SMYD3: variants seen among roughly 807,000 people sequenced by gnomAD.
The protein encoded by SMYD3 is histone-lysine N-methyltransferase SMYD3.
In SMYD3, 36 loss-of-function variants were observed where a neutral mutation model predicts 57.7. The ratio of observed to expected loss-of-function variants is 0.62; its 90% CI spans 0.48 to 0.82. SMYD3 has a LOEUF of 0.82. Among genes scored for constraint, SMYD3 ranks in the 40% least tolerant of loss-of-function variants. The pLI is 0.00. For missense variants in SMYD3, 515 were observed against 538.8 expected (o/e 0.96, Z 0.44); for synonymous variants, 211 against 195.0 (o/e 1.08, Z -0.68).
chr1:246,499,653 G>A (rs552642609), intron 1 of SMYD3, among the ~76,000 whole-genome samples: 20 of 151,976 alleles, frequency 1.3e-4, no homozygotes, highest in African/African-American at 2.7e-4. Context: ...ACGGGGTTTC[G>A]CTACGTTGGC....
Position 246,483,943 on chromosome 1 carries a change from T to C in SMYD3, c.164+23111A>G, listed in dbSNP as rs73134187. On this transcript the variant is annotated intron_variant, in intron 1 of 11. Coordinates refer to ENST00000490107, the MANE Select transcript of SMYD3 (RefSeq NM_001167740.2). ...TCCTTAGATGTGAAACCTAAAAACA[T>C]ATCACTTCAACCAAAATACCTAAAC... 2.5e-3 allele frequency among the ~76,000 whole-genome samples: 380 copies of C among 151,758 alleles called. 4 individuals are homozygous for C. Among genetic ancestry groups the C allele is most frequent in the Non-Finnish European group, 3.6e-3 (243 of 67,868 alleles).
At chr1:245,912,777 T>C (rs192983447) in intron 8 of SMYD3, among the ~76,000 whole-genome samples, 2 of 152,230 alleles carry the variant, frequency 1.3e-5, no homozygotes, top group Admixed American at 1.3e-4. Context: ...CTTCAATTAT[T>C]TGTCATCAGA....
chr1:245,928,521 A>AC (rs1314790404), intron 6 of SMYD3, among the ~76,000 whole-genome samples: 4 of 150,006 alleles, frequency 2.7e-5, no homozygotes, highest in Admixed American at 2.7e-4. Flanking sequence ...AAAATACAAA[A>AC]AAATTAGCTG....
intron 5 of SMYD3, among the ~76,000 whole-genome samples, chr1:246,031,316 T>C (rs902107160): frequency 2.0e-5 from 3 of 152,180 alleles, no homozygotes; most frequent in Non-Finnish European, 4.4e-5. Context: ...ACTTCTGGAA[T>C]CTTATTTAGG....
In SMYD3 at chr1:246,310,049, T is replaced by G. The variant is rs932084666; in HGVS notation, c.531+17152A>C. Among the ~76,000 whole-genome samples the G allele has an allele frequency of 5.3e-5, 8 of 152,336 alleles. No homozygotes were observed. In the South Asian group the frequency reaches 1.5e-3, roughly 28 times the overall value. ...CTAAATTTTCCTAGTTAATATAACCTGGTATATTATTTATAAACATTATAA... is the reference window on the plus strand; with the variant it reads ...CTAAATTTTCCTAGTTAATATAACCGGGTATATTATTTATAAACATTATAA... On this transcript the variant is annotated intron_variant, in intron 5 of 11. Transcript: ENST00000490107.
chr1:246,305,846 T>C (rs978715468), intron 5 of SMYD3: 3 of 152,226 alleles, frequency 2.0e-5, no homozygotes, highest in African/African-American at 7.2e-5. Context: ...AGCCCAACTC[T>C]CCTCTTTAAT....
At chr1:246,450,705 CT>C (rs1488330135) in intron 1 of SMYD3, among the ~76,000 whole-genome samples, 1 of 152,156 alleles carries the variant, frequency 6.6e-6, no homozygotes, top group Non-Finnish European at 1.5e-5. Flanking sequence ...TAGCATGTAA[CT>C]GAATCTCAGT....
chr1:246,080,508 G>A (rs972782670), intron 5 of SMYD3, among the ~76,000 whole-genome samples: 2 of 152,186 alleles, frequency 1.3e-5, no homozygotes, highest in African/African-American at 2.4e-5. Context: ...TGTCTTCCAC[G>A]AAACTGGTTC....
At chr1:245,856,329 A>G (rs183087418) in intron 10 of SMYD3, among the ~76,000 whole-genome samples, 21 of 152,346 alleles carry the variant, frequency 1.4e-4, no homozygotes, top group Admixed American at 1.2e-3. Context: ...AAGTGGATCA[A>G]TGCAGATTGG....
chr1:246,292,954 A>G (rs2064724006), intron 5 of SMYD3, among the ~76,000 whole-genome samples: 1 of 152,120 alleles, frequency 6.6e-6, no homozygotes, highest in South Asian at 2.1e-4. Flanking sequence ...GGTTGGGAAA[A>G]ATTGCTGATG....
At chr1:245,952,146 G>A (rs1208120902) in intron 5 of SMYD3, among the ~76,000 whole-genome samples, 1 of 152,174 alleles carries the variant, frequency 6.6e-6, no homozygotes, top group Non-Finnish European at 1.5e-5. Flanking sequence ...AAATAAAGAT[G>A]AGTATCTATC....
intron 10 of SMYD3, among the ~76,000 whole-genome samples, chr1:245,791,457 T>G (rs936438817): frequency 4.6e-5 from 7 of 151,948 alleles, no homozygotes; most frequent in African/African-American, 1.7e-4. Context: ...ATGGTGACAC[T>G]GTGTCTCTGC....
intron 10 of SMYD3, among the ~76,000 whole-genome samples, chr1:245,824,439 G>A (rs1300081514): frequency 6.6e-5 from 10 of 152,192 alleles, no homozygotes; most frequent in African/African-American, 1.7e-4. Flanking sequence ...AACTCAGGCC[G>A]GGCGCAGTGG....
At chr1:246,487,225 T>G (rs1023416919) in intron 1 of SMYD3, among the ~76,000 whole-genome samples, 1 of 152,008 alleles carries the variant, frequency 6.6e-6, no homozygotes, top group African/African-American at 2.4e-5. Flanking sequence ...AGCGAGTGGA[T>G]CACTTGAAGC....
intron 1 of SMYD3, among the ~76,000 whole-genome samples, chr1:246,463,708 C>T (rs1480317352): frequency 7.2e-6 from 1 of 138,204 alleles, no homozygotes; most frequent in Non-Finnish European, 1.5e-5. Flanking sequence ...TTGTGGCGGG[C>T]GCCTGTAGTC....
Position 246,074,363 on chromosome 1 carries a change from A to AT in SMYD3, c.532-144427dup, listed in dbSNP as rs969050030. On this transcript the variant is annotated intron_variant, in intron 5 of 11. Transcript: ENST00000490107. ...CTTTTTTATTGGTTTGCCAAAAAAA[A>AT]TTAAAAAAAAAAAACAAACTGTGAA... 3.7e-4 allele frequency among the ~76,000 whole-genome samples: 54 copies of AT among 146,220 alleles called. 1 individual carries two copies. The highest frequency in any genetic ancestry group is 1.4e-3 in the African/African-American group (50 of 36,404).
chr1:245,774,749 G>A (rs530533692), intron 10 of SMYD3, among the ~76,000 whole-genome samples: 5 of 101,518 alleles, frequency 4.9e-5, no homozygotes, highest in East Asian at 1.3e-3. Flanking sequence ...CTCTGATGCT[G>A]AGCCGAAGCT....
chr1:246,362,696 C>T (rs1438045240), intron 1 of SMYD3, among the ~76,000 whole-genome samples: 4 of 152,268 alleles, frequency 2.6e-5, no homozygotes, highest in South Asian at 2.1e-4. Flanking sequence ...CTCCTAACCG[C>T]GAGTGATCCG....
At chr1:246,231,071 A>G (rs553964962) in intron 5 of SMYD3, among the ~76,000 whole-genome samples, 1 of 152,218 alleles carries the variant, frequency 6.6e-6, no homozygotes, top group East Asian at 1.9e-4. Context: ...CCGATTACAG[A>G]CTTAGTGTAC....
Sources: allele counts gnomAD v4.1 joint callset (sites outside exome capture counted in the v4.1 genomes callset), GRCh38; gene constraint gnomAD v4.1.1; transcripts MANE v1.5; gene names NCBI Gene and HGNC (gene_info 2026-07-23, HGNC 2026-07-21).